LRRK1: variants seen among roughly 807,000 people sequenced by gnomAD.
The protein encoded by LRRK1 is leucine rich repeat kinase 1, also known as leucine-rich repeat serine/threonine-protein kinase 1.
Under a neutral mutation model 209.1 loss-of-function variants are expected in LRRK1, and 113 were observed. The observed-to-expected ratio is 0.54, with a 90% CI of 0.46 to 0.63. The LOEUF is 0.63. Ranked by LOEUF, LRRK1 falls within the 30% of genes least tolerant of loss-of-function variation. The pLI is 0.00. For missense variants in LRRK1, 2,284 were observed against 2,632.2 expected (o/e 0.87, Z 2.89); for synonymous variants, 1,144 against 1,099.7 (o/e 1.04, Z -0.80).
Position 101,049,638 on chromosome 15 carries a change from T to G in LRRK1, c.3300-6T>G. 1 of 1,613,228 alleles carries G rather than the reference T, an allele frequency of 6.2e-7. No homozygotes were observed. Among genetic ancestry groups the G allele is most frequent in the Non-Finnish European group, 8.5e-7 (1 of 1,179,568 alleles). ...CAATGGGCTCCTTTTGGTCTCTGGA[T>G]TGCAGTGTGGAATCTTCCGACGTGA... On this transcript the variant is annotated splice_polypyrimidine_tract_variant and splice_region_variant and intron_variant, in intron 22 of 33. Transcript: ENST00000388948.
chr15:101,011,795 C>T (rs746029480), intron 9 of LRRK1, among the ~76,000 whole-genome samples: 20 of 152,174 alleles, frequency 1.3e-4, no homozygotes, highest in Non-Finnish European at 2.2e-4. Context: ...TGAGCTCCCC[C>T]AGGAAACCCC....
chr15:100,977,786 T>G (rs1426361894), intron 3 of LRRK1, among the ~76,000 whole-genome samples: 1 of 152,122 alleles, frequency 6.6e-6, no homozygotes, highest in Non-Finnish European at 1.5e-5. Flanking sequence ...ATCCAGAGTC[T>G]TAAAACATAA....
At chr15:101,039,888 A>G (rs1290633601) in intron 20 of LRRK1, among the ~76,000 whole-genome samples, 3 of 152,174 alleles carry the variant, frequency 2.0e-5, no homozygotes, top group African/African-American at 7.2e-5. Context: ...TGGATTTTCA[A>G]ATGTTAAACC....
At chr15:101,002,836 T>C (rs950582569) in intron 6 of LRRK1, among the ~76,000 whole-genome samples, 4 of 152,194 alleles carry the variant, frequency 2.6e-5, no homozygotes, top group Non-Finnish European at 5.9e-5. Flanking sequence ...CGGGTTCAAG[T>C]GATTCGGCCT....
At chr15:101,026,322 G>A (rs965915303) in intron 17 of LRRK1, among the ~76,000 whole-genome samples, 185 bp downstream of exon 17, 8 of 152,250 alleles carry the variant, frequency 5.3e-5, no homozygotes, top group Non-Finnish European at 1.0e-4. Flanking sequence ...CGGCTGGCTG[G>A]TTGAGGCCTG....
At chr15:100,967,353 G>A (rs957292282) in intron 2 of LRRK1, among the ~76,000 whole-genome samples, 1 of 152,214 alleles carries the variant, frequency 6.6e-6, no homozygotes, top group African/African-American at 2.4e-5. Context: ...CAGCAATTCT[G>A]TGTTGGCATC....
chr15:100,943,966 C>A (rs548511704), intron 2 of LRRK1, among the ~76,000 whole-genome samples: 1 of 152,244 alleles, frequency 6.6e-6, no homozygotes, highest in East Asian at 1.9e-4. Context: ...GTGTGAGCCA[C>A]CACACCCGGT....
rs1555479974 is a variant in LRRK1 at position 101,058,617 on chromosome 15, C to CGGCGG, written c.4679+478_4679+479insCGGGG. ...CTGCCCCAGATTGCAGAAGGGGCAACGGGGGGGGGCGTCTAAACAGAGTTG... is the reference window on the plus strand; with the variant it reads ...CTGCCCCAGATTGCAGAAGGGGCAACGGCGGGGGGGGGGGCGTCTAAACAGAGTTG... On this transcript the variant is annotated intron_variant, in intron 29 of 33. Transcript: ENST00000388948. Among the ~76,000 whole-genome samples, 13 of 75,340 alleles carry CGGCGG rather than the reference C, an allele frequency of 1.7e-4. 3 individuals carry two copies. The highest frequency in any genetic ancestry group is 9.1e-3 in the Middle Eastern group (1 of 110). The allele number at this position is 75,340 out of a possible 152,430, so 49.4% of individuals were successfully genotyped here. A position where few individuals can be genotyped will look rare whatever the true frequency, so the allele number is the denominator to read the frequency against.
At chr15:100,966,821 A>G (rs1395310508) in intron 2 of LRRK1, among the ~76,000 whole-genome samples, 2 of 152,142 alleles carry the variant, frequency 1.3e-5, no homozygotes, top group Non-Finnish European at 2.9e-5. Context: ...TACATCATTT[A>G]CTCCACACAC....
At position 101,057,072 on chromosome 15, in the gene LRRK1, A is replaced by G. The variant is rs2035852914; in HGVS notation, c.4527+22A>G. 2.6e-6 allele frequency: 4 copies of G among 1,562,092 alleles called. No individual in the cohort carries two copies. In the East Asian group the frequency reaches 9.3e-5, roughly 36 times the overall value. ...GAAGGTACTTGGGGACACAGAGCCC[A>G]GGGCCTGGGACCTCCTGCCATGTGA... On this transcript the variant is annotated intron_variant, in intron 28 of 33. Coordinates refer to ENST00000388948, the MANE Select transcript of LRRK1 (RefSeq NM_024652.6).
intron 6 of LRRK1, among the ~76,000 whole-genome samples, chr15:100,994,521 T>C (rs558132929): frequency 7.9e-5 from 12 of 152,194 alleles, no homozygotes; most frequent in Admixed American, 2.0e-4. Flanking sequence ...CCTGTGATCT[T>C]TTCTGTGAGG....
In LRRK1 at chr15:101,075,476, A is replaced by T. The variant is rs1460914497; in HGVS notation, c.*6628A>T. ...CTCCCTCCTTGGTGACCGATCATGC[A>T]CCCCTTACCATCTCATCGAAACCTA... On this transcript the variant is annotated 3_prime_UTR_variant, in exon 34 of 34. Transcript: ENST00000388948. The T allele has an allele frequency of 8.2e-6, 1 of 121,762 alleles. No individual in the cohort carries two copies. The highest frequency in any genetic ancestry group is 1.6e-5 in the Non-Finnish European group (1 of 61,568). The allele number at this position is 121,762 out of a possible 1,614,324, so 7.5% of individuals were successfully genotyped here.
At position 100,994,790 on chromosome 15, in the gene LRRK1, C is replaced by T. The variant is rs1315969566; in HGVS notation, c.762+5392C>T. Among the ~76,000 whole-genome samples, 4 of 152,072 alleles carry T rather than the reference C, an allele frequency of 2.6e-5. No individual in the cohort carries two copies. The East Asian group carries it at 5.8e-4, about 22-fold the overall frequency. ...TTGGAGTGGGTGTGCCTGGCTGCCCCGTCATCTCTAACCTGCAACAGCACA... is the reference window on the plus strand; with the variant it reads ...TTGGAGTGGGTGTGCCTGGCTGCCCTGTCATCTCTAACCTGCAACAGCACA... On this transcript the variant is annotated intron_variant, in intron 6 of 33. Transcript: ENST00000388948.
At chr15:101,028,373 A>G (rs547854770) in intron 19 of LRRK1, among the ~76,000 whole-genome samples, 28 of 152,366 alleles carry the variant, frequency 1.8e-4, no homozygotes. Flanking sequence ...TCTAACACAC[A>G]GGTTTCCTCC....
rs903026949 is a variant in LRRK1 at position 101,062,646 on chromosome 15, C to T, written c.4870C>T (p.Pro1624Ser). 5 of 1,614,076 alleles carry T rather than the reference C, an allele frequency of 3.1e-6. No individual in the cohort carries two copies. The highest frequency in any genetic ancestry group is 2.2e-5 in the East Asian group (1 of 44,900). ...LNTPQQALDT[P>S]AVVTCFLAVP... ...CACACCCCAACAGGCCTTGGATACT[C>T]CAGCTGTCGTCACCTGCTTCTTGGC... is the stretch of plus-strand genomic sequence containing the variant. The change falls in exon 31 of 34, where the codon CCA becomes TCA. Residue 1624 changes from proline (P) to serine (S), a missense_variant. Pro to Ser is a moderately conservative substitution (Grantham distance 74, BLOSUM62 -1). Around this residue, in one of 6 missense-constraint regions of LRRK1, gnomAD observed 643 missense variants for 695.9 expected, o/e 0.92. Coordinates refer to ENST00000388948, the MANE Select transcript of LRRK1 (RefSeq NM_024652.6).
At chr15:101,047,214 T>A (rs1390984746) in intron 21 of LRRK1, among the ~76,000 whole-genome samples, 1 of 152,244 alleles carries the variant, frequency 6.6e-6, no homozygotes. Flanking sequence ...AAAATGTTCT[T>A]TGATCTTCCC....
At chr15:100,973,999 T>G (rs1253409664) in intron 3 of LRRK1, 32 bp downstream of exon 3, 2 of 1,244,014 alleles carry the variant, frequency 1.6e-6, no homozygotes, top group Non-Finnish European at 2.0e-6. Context: ...CGGCCACCCA[T>G]GCAGCCCCGG....
At chr15:100,957,708 T>C (rs1296585672) in intron 2 of LRRK1, among the ~76,000 whole-genome samples, 1 of 152,248 alleles carries the variant, frequency 6.6e-6, no homozygotes, top group African/African-American at 2.4e-5. Flanking sequence ...GGATCTCTTA[T>C]AGGTAGCATA....
At chr15:101,005,257 G>A (rs1201162781) in intron 6 of LRRK1, among the ~76,000 whole-genome samples, 1 of 152,162 alleles carries the variant, frequency 6.6e-6, no homozygotes, top group Non-Finnish European at 1.5e-5. Context: ...TCAGCCTGTT[G>A]CTGGGCTGAC....
Sources: allele counts gnomAD v4.1 joint callset (sites outside exome capture counted in the v4.1 genomes callset), GRCh38; gene constraint gnomAD v4.1.1; regional missense constraint gnomAD v4.1.1; transcripts MANE v1.5; gene names NCBI Gene and HGNC (gene_info 2026-07-23, HGNC 2026-07-21).